EVC: variants seen among roughly 807,000 people sequenced by gnomAD.
EVC encodes the protein evC complex member EVC.
Under a neutral mutation model 118.9 loss-of-function variants are expected in EVC, and 116 were observed. The observed-to-expected ratio is 0.98, with a 90% CI of 0.84 to 1.14. The LOEUF (loss-of-function observed/expected upper bound fraction) is 1.14. EVC is among the 50% of genes most tolerant of loss of function. EVC has a pLI of 0.00. For missense variants in EVC, 1,401 were observed against 1,246.4 expected, an observed-to-expected ratio of 1.12 and a Z score of -1.87; for synonymous variants, 619 against 534.7, an observed-to-expected ratio of 1.16 and a Z score of -2.18.
At chr4:5,823,744 C>G in the EVC span, among the ~76,000 whole-genome samples, 1 of 152,240 alleles carries the variant, frequency 6.6e-6, no homozygotes, top group African/African-American at 2.4e-5. Flanking sequence ...TCACCAGAAG[C>G]AGACGCTGGC....
intron 13 of EVC, among the ~76,000 whole-genome samples, chr4:5,794,525 T>A (rs1577606367): frequency 6.6e-6 from 1 of 150,690 alleles, no homozygotes; most frequent in Non-Finnish European, 1.5e-5. Flanking sequence ...ATTCTCCAGC[T>A]TCAGCCTCCC....
chr4:5,735,785 C>G (rs1354375497), intron 5 of EVC, among the ~76,000 whole-genome samples: 1 of 152,108 alleles, frequency 6.6e-6, no homozygotes, highest in Non-Finnish European at 1.5e-5. Flanking sequence ...GGCCCTGCAC[C>G]CTGCATGTTA....
chr4:5,752,761 T>G, intron 8 of EVC, 75 bp from the exon 9 acceptor site: 2 of 1,493,368 alleles, frequency 1.3e-6, no homozygotes, highest in Non-Finnish European at 9.3e-7. Context: ...GGTGGCTTCT[T>G]CTCAGCTGTT....
downstream of EVC, among the ~76,000 whole-genome samples, chr4:5,815,741 A>G (rs1335099901): frequency 2.6e-5 from 4 of 152,194 alleles, no homozygotes; most frequent in Non-Finnish European, 5.9e-5. Context: ...AGCCCTTAAC[A>G]GAGTGTGCAG....
the EVC span, among the ~76,000 whole-genome samples, chr4:5,822,712 C>T: frequency 3.9e-5 from 6 of 152,218 alleles, no homozygotes; most frequent in South Asian, 2.1e-4. Context: ...GAAGTTGAGC[C>T]GGCGGAACTG....
intron 17 of EVC, 100 bp downstream of exon 17, chr4:5,804,941 C>T: frequency 3.8e-6 from 4 of 1,064,520 alleles, no homozygotes; most frequent in Non-Finnish European, 5.7e-6. Flanking sequence ...GCGTGCATTG[C>T]CCGTGGACTT....
chr4:5,782,539 A>G (rs1343765037), intron 11 of EVC, among the ~76,000 whole-genome samples: 15 of 36,694 alleles, frequency 4.1e-4, no homozygotes, highest in East Asian at 2.1e-3. Flanking sequence ...TTTAAATGAA[A>G]AAAAAAAAAA....
At chr4:5,711,843 G>A (rs966252346) in intron 1 of EVC, among the ~76,000 whole-genome samples, 7 of 152,318 alleles carry the variant, frequency 4.6e-5, no homozygotes, top group African/African-American at 1.7e-4. Context: ...GCAGCACCAA[G>A]GGTTTGGACA....
intron 3 of EVC, among the ~76,000 whole-genome samples, chr4:5,730,507 T>A (rs986882775): frequency 6.6e-6 from 1 of 152,108 alleles, no homozygotes; most frequent in African/African-American, 2.4e-5. Flanking sequence ...AGGGCATTTC[T>A]CCATCCTCTG....
intron 11 of EVC, among the ~76,000 whole-genome samples, chr4:5,771,712 G>A (rs930584235): frequency 2.0e-5 from 3 of 152,124 alleles, no homozygotes; most frequent in African/African-American, 7.2e-5. Context: ...AGACCTCCCC[G>A]TCGCCGGGAA....
At chr4:5,772,044 C>T (rs1330144766) in intron 11 of EVC, among the ~76,000 whole-genome samples, 1 of 151,968 alleles carries the variant, frequency 6.6e-6, no homozygotes, top group African/African-American at 2.4e-5. Context: ...ACTACAGGCA[C>T]CGCCACCACG....
chr4:5,755,434 G>C lies in EVC; in HGVS notation c.1465-830G>C, dbSNP rs200397999. 1.4e-5 allele frequency among the ~76,000 whole-genome samples: 2 copies of C among 144,152 alleles called. No individual in the cohort carries two copies. Among genetic ancestry groups the C allele is most frequent in the African/African-American group, 5.2e-5 (2 of 38,130 alleles). 94.6% of individuals were successfully genotyped at this position (144,152 alleles called of 152,430 possible). ...AATGGGCAAACGAGCGAATGAAGGA[G>C]GATGGAATGGGTGGGAGAATGAACG... On this transcript the variant is annotated intron_variant, in intron 10 of 20. Coordinates refer to ENST00000264956, the MANE Select transcript of EVC (RefSeq NM_153717.3). This position sits in a 1 kb window ranked among gnomAD's most constrained non-coding sequence, Gnocchi z 4.1.
At chr4:5,729,419 G>A (rs761529346) in intron 3 of EVC, 29 bp downstream of exon 3, 6 of 1,597,410 alleles carry the variant, frequency 3.8e-6, no homozygotes, top group East Asian at 4.5e-5. Context: ...ATCATAGAAA[G>A]CCAGTTACTT....
At chr4:5,722,231 A>G (rs1029881613) in intron 2 of EVC, among the ~76,000 whole-genome samples, 2 of 152,146 alleles carry the variant, frequency 1.3e-5, no homozygotes, top group Admixed American at 6.5e-5. Context: ...CTGCCACGGA[A>G]TAAGTGCTCA....
rs2151935461 is a variant in EVC, at chr4:5,731,520, T to C, written c.480T>C (p.Ser160=). Reference sequence around the variant, plus strand: ...CGGTAGAGGCCTCTCCTTCCAGCAGTCTGGGGAGCCTGAGCCAGGGTGAGA... The same window carrying C: ...CGGTAGAGGCCTCTCCTTCCAGCAGCCTGGGGAGCCTGAGCCAGGGTGAGA... ...HQPVEASPSS[S]LGSLSQGEKD... The change falls in exon 4 of 21, where the codon AGT becomes AGC. Residue 160 remains serine (S), a synonymous_variant. Transcript: ENST00000264956. This position sits in a 1 kb window ranked among gnomAD's most constrained non-coding sequence, Gnocchi z 5.6. 1 of 1,614,054 alleles carries C rather than the reference T, an allele frequency of 6.2e-7. No homozygotes were observed. The highest frequency in any genetic ancestry group is 8.5e-7 in the Non-Finnish European group (1 of 1,180,002).
intron 5 of EVC, among the ~76,000 whole-genome samples, chr4:5,734,851 C>G (rs1727420611): frequency 6.6e-6 from 1 of 152,186 alleles, no homozygotes; most frequent in African/African-American, 2.4e-5. Context: ...TGGGGGCCAC[C>G]AGGCAGCCTG....
the EVC span, among the ~76,000 whole-genome samples, chr4:5,823,774 C>G: frequency 6.6e-6 from 1 of 151,702 alleles, no homozygotes; most frequent in Non-Finnish European, 1.5e-5. Context: ...CTTGTACAGC[C>G]TGCAGAGCCG....
At chr4:5,769,639 C>T (rs1251715013) in intron 11 of EVC, among the ~76,000 whole-genome samples, 1 of 152,096 alleles carries the variant, frequency 6.6e-6, no homozygotes, top group Non-Finnish European at 1.5e-5. Context: ...TGCTGTCATC[C>T]CATTCCAGGG....
At chr4:5,775,968 T>G (rs1036086127) in intron 11 of EVC, among the ~76,000 whole-genome samples, 1 of 152,178 alleles carries the variant, frequency 6.6e-6, no homozygotes, top group African/African-American at 2.4e-5. Context: ...AATTTAGTTT[T>G]TCTTAATATT....
Sources: gnomAD v4.1 joint callset for allele counts (sites outside exome capture counted in the v4.1 genomes callset) on GRCh38, gnomAD v4.1.1 for gene constraint, Gnocchi (gnomAD v3.1) non-coding constraint, MANE v1.5 for transcripts, NCBI Gene and HGNC (gene_info 2026-07-23, HGNC 2026-07-21) for gene names.